Variants in ATXN7 observed in about 807,000 individuals in gnomAD.
ATXN7 encodes the protein ataxin-7.
In ATXN7, 12 loss-of-function variants were observed where a neutral mutation model predicts 70.5. That is an observed-to-expected ratio of 0.17 (90% CI 0.11 to 0.28). ATXN7 has a LOEUF of 0.28. Among genes scored for constraint, ATXN7 ranks in the 10% least tolerant of loss-of-function variants. The pLI, the probability that ATXN7 is intolerant of heterozygous loss-of-function variation, is 1.00. For missense variants in ATXN7, 1,256 were observed against 1,131.7 expected (o/e 1.11, Z -1.58); for synonymous variants, 498 against 448.7 (o/e 1.11, Z -1.39).
chr3:63,936,690 G>T (rs533766684), intron 4 of ATXN7, among the ~76,000 whole-genome samples: 3 of 152,176 alleles, frequency 2.0e-5, no homozygotes, highest in Admixed American at 2.0e-4. Context: ...ATATGGTTTT[G>T]TGTAGGAAAG....
At chr3:63,863,394 G>T, upstream of ATXN7, 2 of 1,020,882 alleles carry the variant, frequency 2.0e-6, no homozygotes. Context: ...TCCTCACCGC[G>T]CCCCTAGACA....
chr3:63,939,086 A>G (rs1327046095), intron 4 of ATXN7, among the ~76,000 whole-genome samples: 6 of 152,154 alleles, frequency 3.9e-5, no homozygotes, highest in South Asian at 2.1e-4. Flanking sequence ...AATCTTCAAG[A>G]TGATGGCTTC....
intron 5 of ATXN7, among the ~76,000 whole-genome samples, chr3:63,958,492 G>T (rs1479576890): frequency 6.6e-6 from 1 of 152,084 alleles, no homozygotes; most frequent in Non-Finnish European, 1.5e-5. Flanking sequence ...ACCAGCAATT[G>T]CCATCGTATA....
chr3:63,986,979 G>A (rs1258532783), intron 8 of ATXN7, among the ~76,000 whole-genome samples: 2 of 152,142 alleles, frequency 1.3e-5, no homozygotes, highest in Non-Finnish European at 2.9e-5. Context: ...GGCCACTGTA[G>A]CTCATGTAAA....
rs759602455 is a variant in ATXN7 at position 63,990,262 on chromosome 3, C to T, written c.1448C>T (p.Ala483Val). 5 of 1,614,134 alleles carry T rather than the reference C, an allele frequency of 3.1e-6. No homozygotes were observed. Among genetic ancestry groups the T allele is most frequent in the Non-Finnish European group, 4.2e-6 (5 of 1,180,018 alleles). The change falls in exon 10 of 13, where the codon GCC becomes GTC. Residue 483 changes from alanine to valine, a missense_variant. Coordinates refer to ENST00000674280, the MANE Select transcript of ATXN7 (RefSeq NM_001377405.1). ...VHESPHPPLP[A>V]TEPASRLSSE... ...GAATCTCCACACCCTCCCCTGCCTG[C>T]CACTGAGCCAGCTTCTCGGTTATCC...
intron 2 of ATXN7, among the ~76,000 whole-genome samples, chr3:63,903,264 G>A (rs1425912099): frequency 1.3e-5 from 2 of 151,684 alleles, no homozygotes; most frequent in East Asian, 1.9e-4. Context: ...GCTTGGGCCT[G>A]TAGTCCCACC....
chr3:63,930,324 C>T (rs1704898109), intron 4 of ATXN7, among the ~76,000 whole-genome samples: 1 of 152,108 alleles, frequency 6.6e-6, no homozygotes, highest in Non-Finnish European at 1.5e-5. Context: ...ATATACCTTG[C>T]AAGCTATTGG....
chr3:63,876,232 C>A (rs1702747852), intron 1 of ATXN7, among the ~76,000 whole-genome samples: 1 of 151,830 alleles, frequency 6.6e-6, no homozygotes, highest in African/African-American at 2.4e-5. Context: ...ATACTTTTTT[C>A]ACTGGCATTT....
Position 63,988,045 on chromosome 3 carries a change from T to A in ATXN7, c.1096-14T>A. 1 of 1,608,914 alleles carries A rather than the reference T, an allele frequency of 6.2e-7. No homozygotes were observed. The highest frequency in any genetic ancestry group is 2.2e-5 in the East Asian group (1 of 44,854). Reference sequence around the variant, plus strand: ...AATGAGATTCCTCAGTTTCTGTATTTTTTTGGTCCACAGACACATTCCTTA... The same window carrying A: ...AATGAGATTCCTCAGTTTCTGTATTATTTTGGTCCACAGACACATTCCTTA... On this transcript the variant is annotated splice_polypyrimidine_tract_variant and intron_variant, in intron 8 of 12. Coordinates refer to ENST00000674280, the MANE Select transcript of ATXN7 (RefSeq NM_001377405.1).
At chr3:63,872,437 A>C (rs1702625464) in intron 1 of ATXN7, among the ~76,000 whole-genome samples, 1 of 152,178 alleles carries the variant, frequency 6.6e-6, no homozygotes, top group Non-Finnish European at 1.5e-5. Context: ...AAGCTGGGCT[A>C]TCTCTCTGAG....
Position 63,999,611 on chromosome 3 carries a change from G to A in ATXN7, c.*144G>A. Reference sequence around the variant, plus strand: ...CTCAAGGGTAGAAACCTGCCGGGCTGTTGTTTTAACGAGGATTTCCCTGAA... The same window carrying A: ...CTCAAGGGTAGAAACCTGCCGGGCTATTGTTTTAACGAGGATTTCCCTGAA... On this transcript the variant is annotated 3_prime_UTR_variant, in exon 13 of 13. Coordinates refer to ENST00000674280, the MANE Select transcript of ATXN7 (RefSeq NM_001377405.1). The A allele has an allele frequency of 1.4e-6, 2 of 1,452,914 alleles. No homozygotes were observed. The allele number at this position is 1,452,914 out of a possible 1,614,324, so 90.0% of individuals were successfully genotyped here. A position where few individuals can be genotyped will look rare whatever the true frequency, so the allele number is the denominator to read the frequency against.
chr3:63,896,221 T>C (rs868852325), intron 1 of ATXN7, among the ~76,000 whole-genome samples: 2 of 148,960 alleles, frequency 1.3e-5, no homozygotes, highest in Middle Eastern at 3.4e-3. Context: ...AGTAAATAAA[T>C]TTATGCTTCA....
intron 5 of ATXN7, among the ~76,000 whole-genome samples, chr3:63,977,412 T>C (rs2075405796): frequency 6.6e-6 from 1 of 152,100 alleles, no homozygotes; most frequent in African/African-American, 2.4e-5. Flanking sequence ...ATACCTAGAG[T>C]GTACTTCTTA....
In ATXN7 at chr3:63,990,261, GCCA is replaced by G; in HGVS notation, c.1449_1451del (p.Thr484del). On this transcript the variant is annotated inframe_deletion, in exon 10 of 13. Coordinates refer to ENST00000674280, the MANE Select transcript of ATXN7 (RefSeq NM_001377405.1). ...TGAATCTCCACACCCTCCCCTGCCT[GCCA>G]CTGAGCCAGCTTCTCGGTTATCCAG... is the stretch of plus-strand genomic sequence containing the variant. The G allele has an allele frequency of 6.2e-7, 1 of 1,614,052 alleles. No individual in the cohort carries two copies.
chr3:63,959,555 G>A (rs2075090866), intron 5 of ATXN7, among the ~76,000 whole-genome samples: 2 of 152,112 alleles, frequency 1.3e-5, no homozygotes, highest in African/African-American at 2.4e-5. Flanking sequence ...GAGAGTGATA[G>A]CGTGACATAC....
At chr3:63,866,686 A>C (rs1307342985) in intron 1 of ATXN7, among the ~76,000 whole-genome samples, 1 of 152,198 alleles carries the variant, frequency 6.6e-6, no homozygotes, top group Non-Finnish European at 1.5e-5. Context: ...ACATTTAAGA[A>C]TTGTCTTTTC....
intron 2 of ATXN7, chr3:63,901,167 A>G (rs981916816): frequency 2.0e-5 from 3 of 152,204 alleles, no homozygotes; most frequent in African/African-American, 7.2e-5. Context: ...ATCATGTACA[A>G]TGTATTCTTT....
At chr3:63,863,633 G>C, upstream of ATXN7, 1 of 1,206,264 alleles carries the variant, frequency 8.3e-7, no homozygotes, top group Non-Finnish European at 1.0e-6. Flanking sequence ...TCCGGGGAGA[G>C]GTCGGGAAGG....
chr3:63,984,858 A>T (rs535705040), intron 8 of ATXN7, among the ~76,000 whole-genome samples: 1 of 152,348 alleles, frequency 6.6e-6, no homozygotes, highest in African/African-American at 2.4e-5. Flanking sequence ...TAGATCTCAT[A>T]TAAGTGGAAT....
Sources: gnomAD v4.1 joint callset for allele counts (sites outside exome capture counted in the v4.1 genomes callset) on GRCh38, gnomAD v4.1.1 for gene constraint, MANE v1.5 for transcripts, NCBI Gene and HGNC (gene_info 2026-07-23, HGNC 2026-07-21) for gene names.